STYX: variants seen among roughly 807,000 people sequenced by gnomAD.
STYX encodes serine/threonine/tyrosine interacting protein, also known as serine/threonine/tyrosine-interacting protein.
A neutral mutation model predicts 42.7 loss-of-function variants in STYX; 20 were observed. That is an observed-to-expected ratio of 0.47 (90% CI 0.33 to 0.68). The LOEUF is 0.68. Ranked by LOEUF, STYX falls within the 30% of genes least tolerant of loss-of-function variation. STYX has a pLI of 0.02. For missense variants in STYX, 226 were observed against 268.5 expected, an observed-to-expected ratio of 0.84 and a Z score of 1.11; for synonymous variants, 78 against 81.9, an observed-to-expected ratio of 0.95 and a Z score of 0.26.
intron 3 of STYX, among the ~76,000 whole-genome samples, chr14:52,747,830 A>G (rs926724318): frequency 3.3e-5 from 5 of 152,154 alleles, no homozygotes; most frequent in African/African-American, 1.2e-4. Flanking sequence ...CGTCTCTACT[A>G]AAAATACAAA....
intron 1 of STYX, among the ~76,000 whole-genome samples, chr14:52,741,507 G>A (rs926910058): frequency 1.3e-4 from 19 of 151,926 alleles, no homozygotes; most frequent in African/African-American, 4.1e-4. Flanking sequence ...GTGCAATCTC[G>A]GCTCACTGCA....
At chr14:52,755,079 T>A (rs1566676053) in intron 4 of STYX, among the ~76,000 whole-genome samples, 1 of 152,026 alleles carries the variant, frequency 6.6e-6, no homozygotes, top group Non-Finnish European at 1.5e-5. Flanking sequence ...TTTCCTCAGA[T>A]CCTGAGGTTC....
At chr14:52,741,016 G>A (rs1338742625) in intron 1 of STYX, among the ~76,000 whole-genome samples, 1 of 152,038 alleles carries the variant, frequency 6.6e-6, no homozygotes, top group Non-Finnish European at 1.5e-5. Context: ...TTTTGTGTGT[G>A]GCTTTCTTCA....
At position 52,766,738 on chromosome 14, in the gene STYX, T is replaced by G. The variant is rs74952871; in HGVS notation, c.505-2102T>G. Among the ~76,000 whole-genome samples the G allele has an allele frequency of 5.1e-3, 778 of 152,284 alleles. 7 individuals are homozygous for G. Among genetic ancestry groups the G allele is most frequent in the East Asian group, 0.044 (229 of 5,184 alleles). ...TATTGTGTATTTACCCTTTTGGTTG[T>G]TCTGTTTCTTTTTCTTTTTAGTATA... On this transcript the variant is annotated intron_variant, in intron 9 of 10. Transcript: ENST00000354586.
At chr14:52,762,579 C>T (rs2139928081) in intron 9 of STYX, among the ~76,000 whole-genome samples, 1 of 148,492 alleles carries the variant, frequency 6.7e-6, no homozygotes, top group Non-Finnish European at 1.5e-5. Context: ...GTTTGTCTTT[C>T]TTTTTTTTTT....
Position 52,768,837 on chromosome 14 carries a change from T to TA in STYX, c.505-2dup. On this transcript the variant is annotated splice_polypyrimidine_tract_variant and splice_region_variant and intron_variant, in intron 9 of 10. Coordinates refer to ENST00000354586, the MANE Select transcript of STYX (RefSeq NM_145251.4). The stretch of plus-strand genomic sequence containing the variant: ...TAAGTTAATTAACTTATTTTTTTTT[T>TA]AGGAATATGAAGCCATCTACCTAGC... The TA allele has an allele frequency of 1.3e-6, 2 of 1,557,862 alleles. No individual in the cohort carries two copies. Among genetic ancestry groups the TA allele is most frequent in the South Asian group, 1.3e-5 (1 of 79,740 alleles).
At chr14:52,732,526 G>A (rs1316129586) in intron 1 of STYX, among the ~76,000 whole-genome samples, 3 of 151,688 alleles carry the variant, frequency 2.0e-5, no homozygotes, top group African/African-American at 7.3e-5. Context: ...GCCTGGCTTG[G>A]CCTCCCAAAG....
intron 5 of STYX, 63 bp downstream of exon 5, chr14:52,756,674 G>A: frequency 5.1e-6 from 1 of 195,908 alleles, no homozygotes; most frequent in Non-Finnish European, 9.2e-6. Flanking sequence ...TCTTAGTTGT[G>A]CTTTTTTTTT....
At chr14:52,744,772 C>G in intron 1 of STYX, 80 bp from the exon 2 acceptor site, 1 of 1,313,374 alleles carries the variant, frequency 7.6e-7, no homozygotes, top group South Asian at 1.2e-5. Flanking sequence ...AATCTACATA[C>G]TTGTGTGTCA....
At chr14:52,752,035 C>G (rs1048951352) in intron 4 of STYX, among the ~76,000 whole-genome samples, 2 of 152,136 alleles carry the variant, frequency 1.3e-5, no homozygotes, top group Non-Finnish European at 2.9e-5. Flanking sequence ...TGGCACATGC[C>G]TGTAATCCCA....
At chr14:52,748,743 T>C (rs1055424719) in intron 3 of STYX, among the ~76,000 whole-genome samples, 1 of 152,222 alleles carries the variant, frequency 6.6e-6, no homozygotes, top group African/African-American at 2.4e-5. Flanking sequence ...CATAATTATG[T>C]GCATCGTCTT....
intron 1 of STYX, among the ~76,000 whole-genome samples, chr14:52,743,202 TAAAAA>T (rs549026449): frequency 6.8e-6 from 1 of 146,992 alleles, no homozygotes; most frequent in Non-Finnish European, 1.5e-5. Flanking sequence ...TTCTCTTAGT[TAAAAA>T]AAAAAACCTG....
chr14:52,760,362 T>C (rs1264781858), intron 9 of STYX, among the ~76,000 whole-genome samples: 1 of 152,224 alleles, frequency 6.6e-6, no homozygotes, highest in Non-Finnish European at 1.5e-5. Context: ...CAGTTTTGAT[T>C]CTAAGTATAC....
chr14:52,767,455 T>C (rs905769035), intron 9 of STYX, among the ~76,000 whole-genome samples: 3 of 152,250 alleles, frequency 2.0e-5, no homozygotes, highest in East Asian at 3.8e-4. Context: ...TTATGACATT[T>C]GGTTATACTC....
intron 3 of STYX, among the ~76,000 whole-genome samples, chr14:52,746,719 T>C (rs1881410332): frequency 6.6e-6 from 1 of 152,186 alleles, no homozygotes; most frequent in Non-Finnish European, 1.5e-5. Context: ...TTTGAAAGAT[T>C]TACCAAATAA....
chr14:52,730,689 C>G (rs1390962760), intron 1 of STYX, among the ~76,000 whole-genome samples, 158 bp downstream of exon 1: 1 of 152,194 alleles, frequency 6.6e-6, no homozygotes. Context: ...GCTCCAATCC[C>G]CACTGAGTTG....
intron 4 of STYX, among the ~76,000 whole-genome samples, chr14:52,754,050 T>G (rs1022417215): frequency 6.6e-6 from 1 of 151,624 alleles, no homozygotes; most frequent in Non-Finnish European, 1.5e-5. Flanking sequence ...CCACCACGCC[T>G]GGCTAATTTT....
intron 9 of STYX, 54 bp downstream of exon 9, chr14:52,759,808 A>G (rs1594878973): frequency 1.7e-6 from 2 of 1,200,502 alleles, no homozygotes; most frequent in Non-Finnish European, 2.4e-6. Context: ...AATCTTTTAT[A>G]CATGTAATTT....
chr14:52,769,751 C>G (rs933001682), intron 10 of STYX, among the ~76,000 whole-genome samples: 8 of 151,960 alleles, frequency 5.3e-5, no homozygotes, highest in African/African-American at 1.2e-4. Context: ...TTAATAGTGA[C>G]CTTAATCTAG....
Sources: allele counts gnomAD v4.1 joint callset (sites outside exome capture counted in the v4.1 genomes callset), GRCh38; gene constraint gnomAD v4.1.1; transcripts MANE v1.5; gene names NCBI Gene and HGNC (gene_info 2026-07-23, HGNC 2026-07-21).